Variants in CDKAL1 observed in about 807,000 individuals in gnomAD.
CDKAL1 encodes CDKAL1 threonylcarbamoyladenosine tRNA methylthiotransferase.
A neutral mutation model predicts 68.2 loss-of-function variants in CDKAL1; 32 were observed. The observed-to-expected ratio is 0.47, with a 90% CI of 0.35 to 0.63. The LOEUF is 0.63. Among genes scored for constraint, CDKAL1 ranks in the 30% least tolerant of loss-of-function variants. The pLI is 0.00. For missense variants in CDKAL1, 606 were observed against 696.7 expected (o/e 0.87, Z 1.47); for synonymous variants, 234 against 244.3 (o/e 0.96, Z 0.39).
intron 5 of CDKAL1, among the ~76,000 whole-genome samples, chr6:20,720,691 G>T (rs141641287): frequency 6.4e-4 from 98 of 152,200 alleles, no homozygotes; most frequent in African/African-American, 2.3e-3. Context: ...GTAGAGACAG[G>T]GTTTCACCAT....
chr6:20,915,977 G>A (rs893326733), intron 9 of CDKAL1, among the ~76,000 whole-genome samples: 5 of 152,138 alleles, frequency 3.3e-5, no homozygotes, highest in African/African-American at 7.2e-5. Context: ...TATTCCTGAG[G>A]TGACAAAACT....
At chr6:20,866,385 T>G (rs1759909018) in intron 9 of CDKAL1, among the ~76,000 whole-genome samples, 1 of 152,074 alleles carries the variant, frequency 6.6e-6, no homozygotes, top group African/African-American at 2.4e-5. Context: ...CTATTAGAAA[T>G]AAACATGATA....
intron 5 of CDKAL1, among the ~76,000 whole-genome samples, chr6:20,667,060 C>T (rs923522470): frequency 6.6e-6 from 1 of 152,134 alleles, no homozygotes; most frequent in Non-Finnish European, 1.5e-5. Context: ...CATTTGGCAG[C>T]AAATATCCAT....
intron 7 of CDKAL1, among the ~76,000 whole-genome samples, chr6:20,776,976 G>C (rs890957163): frequency 6.6e-6 from 1 of 152,134 alleles, no homozygotes; most frequent in Non-Finnish European, 1.5e-5. Flanking sequence ...TGGAGATTTT[G>C]ATGGCAAGCA....
At position 20,901,067 on chromosome 6, in the gene CDKAL1, C is replaced by T. The variant is rs934935271; in HGVS notation, c.743-54352C>T. On this transcript the variant is annotated intron_variant, in intron 9 of 15. Transcript: ENST00000274695. ...CATTGGAGTTTTCTTTGAAGTCTAG[C>T]GATGATTGTCTCACTGGTGCTTGCT... Among the ~76,000 whole-genome samples, 9 of 151,998 alleles carry T rather than the reference C, an allele frequency of 5.9e-5. No homozygotes were observed. The South Asian group carries it at 8.3e-4, about 14-fold the overall frequency.
At chr6:20,621,700 C>G (rs963136440) in intron 4 of CDKAL1, among the ~76,000 whole-genome samples, 1 of 150,670 alleles carries the variant, frequency 6.6e-6, no homozygotes, top group Admixed American at 6.6e-5. Context: ...ATTGATCTAG[C>G]TTTGGCCATT....
At chr6:20,955,229 C>G (rs1764721621) in intron 9 of CDKAL1, among the ~76,000 whole-genome samples, 190 bp from the exon 10 acceptor site, 2 of 152,190 alleles carry the variant, frequency 1.3e-5, no homozygotes, top group Admixed American at 1.3e-4. Context: ...TGTTGTAACT[C>G]TCTGGTGTTC....
chr6:20,628,036 T>C (rs909842516), intron 4 of CDKAL1, among the ~76,000 whole-genome samples: 2 of 152,206 alleles, frequency 1.3e-5, no homozygotes, highest in African/African-American at 4.8e-5. Flanking sequence ...ATATTATCTG[T>C]GAAAAGAGAC....
At chr6:20,828,354 A>C (rs1174429763) in intron 8 of CDKAL1, among the ~76,000 whole-genome samples, 2 of 151,806 alleles carry the variant, frequency 1.3e-5, no homozygotes, top group African/African-American at 4.8e-5. Flanking sequence ...TCAGCCTCCC[A>C]AGTAGCTTGG....
At chr6:21,148,110 AT>A (rs1776263784) in intron 13 of CDKAL1, among the ~76,000 whole-genome samples, 1 of 152,158 alleles carries the variant, frequency 6.6e-6, no homozygotes, top group Non-Finnish European at 1.5e-5. Context: ...ATGTTTTTAG[AT>A]TGCATTTTTT....
chr6:20,644,427 C>A (rs990185353), intron 4 of CDKAL1, among the ~76,000 whole-genome samples: 1 of 152,076 alleles, frequency 6.6e-6, no homozygotes, highest in Admixed American at 6.5e-5. Flanking sequence ...CCTTTAATCC[C>A]AGCACTTTGG....
intron 12 of CDKAL1, among the ~76,000 whole-genome samples, chr6:21,103,016 T>C (rs1195088709): frequency 6.6e-6 from 1 of 152,264 alleles, no homozygotes; most frequent in East Asian, 1.9e-4. Context: ...TGTATTGTAG[T>C]ATACCTTAAA....
At chr6:20,722,494 T>C (rs563270630) in intron 5 of CDKAL1, 1 of 317,868 alleles carries the variant, frequency 3.1e-6, no homozygotes, top group Non-Finnish European at 6.0e-6. Context: ...TTCCAGAAAA[T>C]GGGTTTAGTA....
chr6:20,987,774 C>T (rs1302540372), intron 10 of CDKAL1, among the ~76,000 whole-genome samples: 2 of 151,814 alleles, frequency 1.3e-5, no homozygotes, highest in Admixed American at 1.3e-4. Flanking sequence ...TGACTATAGA[C>T]ACATCATTTT....
intron 10 of CDKAL1, among the ~76,000 whole-genome samples, chr6:20,995,123 C>T (rs1380302713): frequency 3.3e-5 from 5 of 152,234 alleles, no homozygotes. Flanking sequence ...GCAATTCCGT[C>T]ATATCTTCAG....
chr6:20,920,589 A>G (rs1169129568), intron 9 of CDKAL1, among the ~76,000 whole-genome samples: 1 of 152,222 alleles, frequency 6.6e-6, no homozygotes, highest in Non-Finnish European at 1.5e-5. Flanking sequence ...TGTTCACTGT[A>G]TACAGAATTA....
At chr6:20,931,093 T>G (rs566861725) in intron 9 of CDKAL1, among the ~76,000 whole-genome samples, 30 of 152,318 alleles carry the variant, frequency 2.0e-4, no homozygotes, top group African/African-American at 6.7e-4. Context: ...GACCAGTAAT[T>G]AAGCTGCCTT....
At chr6:21,209,055 G>T (rs891756802) in intron 15 of CDKAL1, among the ~76,000 whole-genome samples, 12 of 152,162 alleles carry the variant, frequency 7.9e-5, no homozygotes, top group African/African-American at 2.7e-4. Context: ...ATGCATCAGG[G>T]AACTAATTGT....
At chr6:20,764,047 T>G (rs938340792) in intron 7 of CDKAL1, among the ~76,000 whole-genome samples, 1 of 152,292 alleles carries the variant, frequency 6.6e-6, no homozygotes, top group East Asian at 1.9e-4. Context: ...ATACGCACCT[T>G]AGTCTTGGCT....
Sources: gnomAD v4.1 joint callset for allele counts (sites outside exome capture counted in the v4.1 genomes callset) on GRCh38, gnomAD v4.1.1 for gene constraint, MANE v1.5 for transcripts, NCBI Gene and HGNC (gene_info 2026-07-23, HGNC 2026-07-21) for gene names.